The following RAB3C variants were observed in gnomAD, a reference collection of about 807,000 sequenced individuals.
RAB3C encodes the protein RAB3C, member RAS oncogene family.
Under a neutral mutation model 26.4 loss-of-function variants are expected in RAB3C, and 17 were observed. That is an observed-to-expected ratio of 0.64 (90% CI 0.44 to 0.97). RAB3C has a LOEUF of 0.97. Among genes scored for constraint, RAB3C ranks in the 50% least tolerant of loss-of-function variants. RAB3C has a pLI of 0.00. For synonymous variants in RAB3C, 91 were observed against 95.9 expected (o/e 0.95, Z 0.30); for missense variants, 242 against 281.9 (o/e 0.86, Z 1.01).
intron 1 of RAB3C, among the ~76,000 whole-genome samples, chr5:58,591,586 G>GTATA (rs36004499): frequency 0.033 from 1,629 of 49,544 alleles, 16 homozygotes; most frequent in African/African-American, 0.078. Context: ...TATTTTCATA[G>GTATA]TATATATATA....
chr5:58,743,030 G>T (rs1741309453), intron 3 of RAB3C, among the ~76,000 whole-genome samples: 1 of 152,160 alleles, frequency 6.6e-6, no homozygotes, highest in South Asian at 2.1e-4. Flanking sequence ...CCAGGCTGGG[G>T]ACTCTGAGTC....
At chr5:58,665,948 C>T (rs998649553) in intron 2 of RAB3C, among the ~76,000 whole-genome samples, 3 of 152,084 alleles carry the variant, frequency 2.0e-5, no homozygotes, top group Non-Finnish European at 2.9e-5. Context: ...CAGTGGGAAA[C>T]GTGCATATCT....
intron 3 of RAB3C, chr5:58,817,213 G>C (rs941354676): frequency 2.6e-5 from 4 of 152,158 alleles, no homozygotes; most frequent in African/African-American, 9.7e-5. Context: ...GTTAATAGTG[G>C]AGATAGCGAG....
chr5:58,811,547 G>A (rs1743090770), intron 3 of RAB3C, among the ~76,000 whole-genome samples: 1 of 152,136 alleles, frequency 6.6e-6, no homozygotes, highest in Non-Finnish European at 1.5e-5. Context: ...CCAAGGCCTA[G>A]GAAAGGGACA....
chr5:58,798,499 G>C (rs1742726225), intron 3 of RAB3C, among the ~76,000 whole-genome samples: 1 of 152,058 alleles, frequency 6.6e-6, no homozygotes, highest in Admixed American at 6.6e-5. Flanking sequence ...AAAATGCTCT[G>C]AAATCCAAAA....
At chr5:58,758,094 A>G (rs1223912797) in intron 3 of RAB3C, among the ~76,000 whole-genome samples, 1 of 152,080 alleles carries the variant, frequency 6.6e-6, no homozygotes, top group Non-Finnish European at 1.5e-5. Context: ...GGTGCCCACC[A>G]CCACGCCCGG....
chr5:58,624,194 A>G (rs1348644124), intron 2 of RAB3C, among the ~76,000 whole-genome samples: 1 of 152,202 alleles, frequency 6.6e-6, no homozygotes, highest in Admixed American at 6.5e-5. Flanking sequence ...AGGGTCTGCC[A>G]TATGGAGCCA....
chr5:58,814,702 A>G (rs991514190), intron 3 of RAB3C: 1 of 152,230 alleles, frequency 6.6e-6, no homozygotes, highest in Non-Finnish European at 1.5e-5. Context: ...TTTGTTGTCC[A>G]GAAGGGTGGT....
intron 2 of RAB3C, among the ~76,000 whole-genome samples, chr5:58,632,417 C>T (rs1249466519): frequency 1.3e-5 from 2 of 152,160 alleles, no homozygotes. Context: ...TAAACAGAAG[C>T]AGGGAATATG....
intron 3 of RAB3C, among the ~76,000 whole-genome samples, chr5:58,815,074 T>G (rs1743185980): frequency 6.6e-6 from 1 of 152,198 alleles, no homozygotes; most frequent in African/African-American, 2.4e-5. Context: ...GAATTGACAC[T>G]CCTAGATCTA....
chr5:58,693,103 G>T (rs917024747), intron 2 of RAB3C, among the ~76,000 whole-genome samples: 1 of 148,922 alleles, frequency 6.7e-6, no homozygotes, highest in Non-Finnish European at 1.5e-5. Context: ...GTGAAACTCC[G>T]TCTCAAAATA....
chr5:58,604,345 G>A (rs1241973965), intron 1 of RAB3C, among the ~76,000 whole-genome samples: 8 of 152,184 alleles, frequency 5.3e-5, no homozygotes, highest in East Asian at 1.9e-4. Flanking sequence ...GAGAGGGACC[G>A]GCGGTAGGCG....
At chr5:58,608,585 T>C (rs1407785775) in intron 1 of RAB3C, among the ~76,000 whole-genome samples, 1 of 152,206 alleles carries the variant, frequency 6.6e-6, no homozygotes, top group Non-Finnish European at 1.5e-5. Context: ...TTTACACTGT[T>C]GATGGGAGTG....
chr5:58,826,930 C>A (rs1201171445), intron 4 of RAB3C, among the ~76,000 whole-genome samples: 1 of 152,128 alleles, frequency 6.6e-6, no homozygotes, highest in Non-Finnish European at 1.5e-5. Flanking sequence ...AAAGTTTGAC[C>A]ATTTCTCATG....
At chr5:58,736,945 GCTTTTAAAACTGTAAGTCAGATCTTGT>G (rs1741149651) in intron 3 of RAB3C, among the ~76,000 whole-genome samples, 1 of 152,108 alleles carries the variant, frequency 6.6e-6, no homozygotes, top group Admixed American at 6.5e-5. Flanking sequence ...GCTGGAGTGA[GCTTTTAAAACTGTAAGTCAGATCTTGT>G]CACCCCTCTG....
chr5:58,593,530 T>C (rs989565859), intron 1 of RAB3C, among the ~76,000 whole-genome samples: 1 of 152,236 alleles, frequency 6.6e-6, no homozygotes, highest in Non-Finnish European at 1.5e-5. Context: ...ATTGTTCTTG[T>C]GATACTGTAC....
intron 3 of RAB3C, among the ~76,000 whole-genome samples, chr5:58,743,506 A>G (rs1433303907): frequency 2.0e-5 from 3 of 151,988 alleles, no homozygotes; most frequent in Non-Finnish European, 4.4e-5. Flanking sequence ...TCAACCCATC[A>G]TCTAGGTTTT....
intron 3 of RAB3C, among the ~76,000 whole-genome samples, chr5:58,759,559 C>A (rs1388259006): frequency 1.3e-5 from 2 of 152,144 alleles, no homozygotes; most frequent in East Asian, 3.8e-4. Context: ...ATATCAAATT[C>A]TTTATAACAT....
intron 2 of RAB3C, among the ~76,000 whole-genome samples, chr5:58,656,789 A>G (rs1395897977): frequency 6.6e-6 from 1 of 152,200 alleles, no homozygotes; most frequent in Non-Finnish European, 1.5e-5. Context: ...ACTGGTGGGA[A>G]CATAAACCAG....
Sources: allele counts gnomAD v4.1 joint callset (sites outside exome capture counted in the v4.1 genomes callset), GRCh38; gene constraint gnomAD v4.1.1; transcripts MANE v1.5; gene names NCBI Gene and HGNC (gene_info 2026-07-23, HGNC 2026-07-21).